The following CNTNAP5 variants were observed in gnomAD, a reference collection of about 807,000 sequenced individuals.
The protein encoded by CNTNAP5 is contactin-associated protein-like 5.
A neutral mutation model predicts 150.2 loss-of-function variants in CNTNAP5; 72 were observed. The observed-to-expected ratio is 0.48, with a 90% CI of 0.40 to 0.58. The LOEUF (loss-of-function observed/expected upper bound fraction) is 0.58. Among genes scored for constraint, CNTNAP5 ranks in the 20% least tolerant of loss-of-function variants. The pLI is 0.00. For synonymous variants in CNTNAP5, 672 were observed against 619.8 expected (o/e 1.08, Z -1.25); for missense variants, 1,636 against 1,626.2 (o/e 1.01, Z -0.10).
intron 12 of CNTNAP5, among the ~76,000 whole-genome samples, chr2:124,640,389 A>G: frequency 6.6e-6 from 1 of 152,208 alleles, no homozygotes; most frequent in Non-Finnish European, 1.5e-5. Flanking sequence ...GAAGGCAGTA[A>G]TGGACGGAGC....
chr2:124,463,632 A>C (rs1693305928), intron 6 of CNTNAP5, among the ~76,000 whole-genome samples: 1 of 152,180 alleles, frequency 6.6e-6, no homozygotes, highest in African/African-American at 2.4e-5. Flanking sequence ...CAGTGTGCTC[A>C]CTTTGCCTGA....
chr2:124,798,793 G>T lies in CNTNAP5; in HGVS notation c.3217+473G>T, dbSNP rs1000425228. ...TAGTTAGTATATGAGTCATAACCTT[G>T]GGGAATAGGTGGCTTGCTTCTGGGA... On this transcript the variant is annotated intron_variant, in intron 19 of 23. Coordinates refer to ENST00000682447, the MANE Select transcript of CNTNAP5 (RefSeq NM_001367498.1). Among the ~76,000 whole-genome samples the T allele has an allele frequency of 7.2e-5, 11 of 152,204 alleles. 1 individual carries two copies. The South Asian group carries it at 2.3e-3, about 32-fold the overall frequency.
At chr2:124,756,120 T>C (rs1241173973) in intron 14 of CNTNAP5, among the ~76,000 whole-genome samples, 7 of 152,194 alleles carry the variant, frequency 4.6e-5, no homozygotes, top group Admixed American at 2.0e-4. Flanking sequence ...TCAGCCGATC[T>C]TAAATAAGCT....
At chr2:124,319,445 G>A (rs1260764422) in intron 3 of CNTNAP5, among the ~76,000 whole-genome samples, 1 of 152,122 alleles carries the variant, frequency 6.6e-6, no homozygotes, top group African/African-American at 2.4e-5. Context: ...CCTCAAACTG[G>A]CACAGTTGAA....
chr2:124,129,885 T>A (rs1414819857), intron 1 of CNTNAP5, among the ~76,000 whole-genome samples: 1 of 152,198 alleles, frequency 6.6e-6, no homozygotes. Context: ...CTAAAAGGCT[T>A]TCTGTTAGGA....
At chr2:124,131,495 T>G (rs756853500) in intron 1 of CNTNAP5, among the ~76,000 whole-genome samples, 3 of 152,192 alleles carry the variant, frequency 2.0e-5, no homozygotes, top group Non-Finnish European at 4.4e-5. Context: ...ATCTCAAGTT[T>G]ATCTGACTCT....
chr2:124,567,858 T>TAGATAGATAGATAGATAGATAGATAG (rs1553480433), intron 11 of CNTNAP5, among the ~76,000 whole-genome samples: 53 of 132,922 alleles, frequency 4.0e-4, no homozygotes, highest in African/African-American at 1.2e-3. Context: ...GATAGATAGA[T>TAGATAGATAGATAGATAGATAGATAG]AGATAGATAG....
At chr2:124,326,583 T>C (rs1689223806) in intron 3 of CNTNAP5, among the ~76,000 whole-genome samples, 2 of 152,124 alleles carry the variant, frequency 1.3e-5, no homozygotes, top group African/African-American at 2.4e-5. Flanking sequence ...GTCAAATTTA[T>C]TAGTAGATGT....
At chr2:124,615,420 G>T (rs980396999) in intron 12 of CNTNAP5, among the ~76,000 whole-genome samples, 18 of 152,130 alleles carry the variant, frequency 1.2e-4, no homozygotes, top group Non-Finnish European at 2.2e-4. Flanking sequence ...TCCATCTCAA[G>T]AAGCCACTTT....
At chr2:124,416,882 A>G (rs1691930431) in intron 3 of CNTNAP5, among the ~76,000 whole-genome samples, 1 of 151,064 alleles carries the variant, frequency 6.6e-6, no homozygotes, top group South Asian at 2.1e-4. Flanking sequence ...TTTAGGTGTC[A>G]TGCCTCAGGA....
chr2:124,474,709 AAG>A (rs1381876007), intron 6 of CNTNAP5, 28 bp from the exon 7 acceptor site: 2 of 1,515,548 alleles, frequency 1.3e-6, no homozygotes, highest in Non-Finnish European at 1.8e-6. Context: ...GCTTAAAACT[AAG>A]AGTTTGTTTC....
chr2:124,429,908 C>A (rs1322094536), intron 4 of CNTNAP5, among the ~76,000 whole-genome samples: 1 of 152,158 alleles, frequency 6.6e-6, no homozygotes, highest in Non-Finnish European at 1.5e-5. Flanking sequence ...GATCACAGCT[C>A]ATTTCACAGG....
chr2:124,258,688 T>G (rs1687375615), intron 3 of CNTNAP5, among the ~76,000 whole-genome samples: 1 of 152,154 alleles, frequency 6.6e-6, no homozygotes, highest in Non-Finnish European at 1.5e-5. Flanking sequence ...TGCTATCCTG[T>G]GCCTCACTTA....
chr2:124,142,938 A>T (rs1684158013), intron 1 of CNTNAP5, among the ~76,000 whole-genome samples: 1 of 137,398 alleles, frequency 7.3e-6, no homozygotes, highest in Non-Finnish European at 1.6e-5. Flanking sequence ...AATAGACACA[A>T]TAAAAAATGA....
chr2:124,544,200 G>A (rs529835977), intron 10 of CNTNAP5, among the ~76,000 whole-genome samples: 80 of 152,210 alleles, frequency 5.3e-4, no homozygotes, highest in African/African-American at 1.9e-3. Context: ...ATACAAGAGA[G>A]TATCCATGCA....
At position 124,541,179 on chromosome 2, in the gene CNTNAP5, ATTT is replaced by A. The variant is rs3980963; in HGVS notation, c.1649+13738_1649+13740del. ...AGAGGATAAGAAGTACAAAATTCCG[ATTT>A]TTTTTTTTTTTTTTGGTGAGAAGAA... is the stretch of plus-strand genomic sequence containing the variant. On this transcript the variant is annotated intron_variant, in intron 10 of 23. Coordinates refer to ENST00000682447, the MANE Select transcript of CNTNAP5 (RefSeq NM_001367498.1). Among the ~76,000 whole-genome samples the A allele has an allele frequency of 4.8e-5, 4 of 83,072 alleles. 1 individual carries two copies. The highest frequency in any genetic ancestry group is 1.9e-4 in the African/African-American group (4 of 21,364). 54.5% of individuals were successfully genotyped at this position (83,072 alleles called of 152,430 possible). A position where few individuals can be genotyped will look rare whatever the true frequency, so the allele number is the denominator to read the frequency against.
rs559382138 is a variant in CNTNAP5, at chr2:124,772,706, A to T, written c.2534-93A>T. ...TTCAAAAGAAGTCTTCTCTATATTG[A>T]TACTGACTTACAATCGTTTCTCCCA... On this transcript the variant is annotated intron_variant, in intron 16 of 23. Coordinates refer to ENST00000682447, the MANE Select transcript of CNTNAP5 (RefSeq NM_001367498.1). The T allele has an allele frequency of 2.5e-5, 22 of 892,526 alleles. No homozygotes were observed. The South Asian group carries it at 3.0e-4, about 12-fold the overall frequency. The allele number at this position is 892,526 out of a possible 1,614,324, so 55.3% of individuals were successfully genotyped here.
At chr2:124,204,215 C>A (rs964806672) in intron 1 of CNTNAP5, among the ~76,000 whole-genome samples, 2 of 152,194 alleles carry the variant, frequency 1.3e-5, no homozygotes, top group African/African-American at 2.4e-5. Context: ...AGGACAGGGG[C>A]AAAATGCTAC....
At chr2:124,027,836 A>C (rs977614010) in intron 1 of CNTNAP5, among the ~76,000 whole-genome samples, 2 of 152,200 alleles carry the variant, frequency 1.3e-5, no homozygotes, top group African/African-American at 4.8e-5. Flanking sequence ...AAAATCTATT[A>C]ATTGAATAAT....
Sources: gnomAD v4.1 joint callset for allele counts (sites outside exome capture counted in the v4.1 genomes callset) on GRCh38, gnomAD v4.1.1 for gene constraint, MANE v1.5 for transcripts, NCBI Gene and HGNC (gene_info 2026-07-23, HGNC 2026-07-21) for gene names.